ZNF391: variants seen among roughly 807,000 people sequenced by gnomAD.
The protein encoded by ZNF391 is zinc finger protein 391.
For missense variants in ZNF391, 375 were observed against 425.5 expected (o/e 0.88, Z 1.04); for synonymous variants, 126 against 142.1 (o/e 0.89, Z 0.80).
Position 27,401,028 on chromosome 6 carries a change from C to G in ZNF391, c.658C>G (p.Pro220Ala), listed in dbSNP as rs759141745. ...TCAGCGAACTCATACTCAAGAAAGG[C>G]CTTACAAATGTAATGAATGTGGGAA... ...QHQRTHTQER[P>A]YKCNECGKAF... Residue 220 changes from proline to alanine, a missense_variant, in exon 3 of 3, where the codon CCT becomes GCT. Transcript: ENST00000244576. 2 of 1,614,190 alleles carry G rather than the reference C, an allele frequency of 1.2e-6. No homozygotes were observed. The highest frequency in any genetic ancestry group is 2.2e-5 in the South Asian group (2 of 91,080).
chr6:27,397,135 T>C (rs1306726551), intron 1 of ZNF391, among the ~76,000 whole-genome samples: 1 of 152,204 alleles, frequency 6.6e-6, no homozygotes, highest in African/African-American at 2.4e-5. Context: ...ATAGATTTAA[T>C]TGGCTCACAG....
At chr6:27,381,308 G>A (rs553038220) in intron 1 of ZNF391, among the ~76,000 whole-genome samples, 100 of 152,362 alleles carry the variant, frequency 6.6e-4, no homozygotes, top group Admixed American at 3.0e-3. Flanking sequence ...CCGCTGGCCC[G>A]GGTGCTAAGC....
chr6:27,396,625 C>T (rs1463144227), intron 1 of ZNF391, among the ~76,000 whole-genome samples: 1 of 151,996 alleles, frequency 6.6e-6, no homozygotes, highest in Non-Finnish European at 1.5e-5. Context: ...ACTTAGGAGG[C>T]TGAAGTCAGA....
chr6:27,399,123 C>T (rs1178029494), intron 1 of ZNF391, among the ~76,000 whole-genome samples: 1 of 152,172 alleles, frequency 6.6e-6, no homozygotes, highest in Admixed American at 6.5e-5. Flanking sequence ...GTCACATGAA[C>T]GTATTAAAAT....
At chr6:27,400,186 G>A (rs2113662206) in intron 2 of ZNF391, 107 bp from the exon 3 acceptor site, 1 of 511,136 alleles carries the variant, frequency 2.0e-6, no homozygotes, top group South Asian at 4.3e-5. Flanking sequence ...CTCATATAAA[G>A]TTGCTAGTAT....
upstream of ZNF391, among the ~76,000 whole-genome samples, chr6:27,384,084 A>T (rs1042641702): frequency 6.6e-6 from 1 of 152,246 alleles, no homozygotes; most frequent in Non-Finnish European, 1.5e-5. Context: ...ATTTGTTGCC[A>T]GTAGACTTGT....
At chr6:27,380,549 C>T (rs1160232303) in intron 1 of ZNF391, among the ~76,000 whole-genome samples, 1 of 152,214 alleles carries the variant, frequency 6.6e-6, no homozygotes, top group African/African-American at 2.4e-5. Context: ...CAAACTTCTA[C>T]AGTGTGGAAG....
Position 27,401,495 on chromosome 6 carries a change from T to C in ZNF391, c.*48T>C. On this transcript the variant is annotated 3_prime_UTR_variant, in exon 3 of 3. Transcript: ENST00000244576. ...AGCATAAGAACACATATACCTAACC[T>C]CCCACCACTGAAATATATATATTTC... 1 of 1,350,860 alleles carries C rather than the reference T, an allele frequency of 7.4e-7. No individual in the cohort carries two copies. Among genetic ancestry groups the C allele is most frequent in the Non-Finnish European group, 1.0e-6 (1 of 987,964 alleles). 83.7% of individuals were successfully genotyped at this position (1,350,860 alleles called of 1,614,324 possible). A position where few individuals can be genotyped will look rare whatever the true frequency, so the allele number is the denominator to read the frequency against.
At chr6:27,382,050 A>AAAAAAG in intron 1 of ZNF391, among the ~76,000 whole-genome samples, 1 of 147,462 alleles carries the variant, frequency 6.8e-6, no homozygotes, top group African/African-American at 2.5e-5. Context: ...AAAAAAAAAA[A>AAAAAAG]GGCCGGCTGC....
chr6:27,375,322 T>G (rs538775792), intron 1 of ZNF391, among the ~76,000 whole-genome samples: 8 of 152,316 alleles, frequency 5.3e-5, no homozygotes, highest in Admixed American at 4.6e-4. Flanking sequence ...AGCACAGGCC[T>G]GAGGTCCTAA....
rs1013508884 is a variant in ZNF391 at position 27,376,099 on chromosome 6, C to T, written n.523+962C>T. Among the ~76,000 whole-genome samples the T allele has an allele frequency of 6.6e-6, 1 of 152,124 alleles. No individual in the cohort carries two copies. Among genetic ancestry groups the T allele is most frequent in the African/African-American group, 2.4e-5 (1 of 41,408 alleles). ...CAGTTGTATGTTTCCTGCCTCCAGG[C>T]CCTATTTTCCTGCCTCAATAATCAC... On this transcript the variant is annotated intron_variant and non_coding_transcript_variant, in intron 1 of 2. Transcript: ENST00000477999. The surrounding 1 kb of genome is among the most constrained non-coding windows in gnomAD (Gnocchi z 4.7).
At position 27,402,992 on chromosome 6, in the gene ZNF391, T is replaced by C. The variant is rs983449155; in HGVS notation, c.*1545T>C. The C allele has an allele frequency of 6.6e-6, 1 of 152,224 alleles. No individual in the cohort carries two copies. Among genetic ancestry groups the C allele is most frequent in the Non-Finnish European group, 1.5e-5 (1 of 68,046 alleles). The allele number at this position is 152,224 out of a possible 1,614,324, so 9.4% of individuals were successfully genotyped here. On this transcript the variant is annotated 3_prime_UTR_variant, in exon 3 of 3. Coordinates refer to ENST00000244576, the MANE Select transcript of ZNF391 (RefSeq NM_001076781.3). ...CTGATTCCTCTTTATCTGTAATCAATCAACTTGACTTTATTTGATATGGAT... is the reference window on the plus strand; with the variant it reads ...CTGATTCCTCTTTATCTGTAATCAACCAACTTGACTTTATTTGATATGGAT...
At chr6:27,398,060 A>G (rs1761867550) in intron 1 of ZNF391, among the ~76,000 whole-genome samples, 1 of 152,200 alleles carries the variant, frequency 6.6e-6, no homozygotes, top group South Asian at 2.1e-4. Context: ...CACAGACAGC[A>G]TCATCCTGTT....
intron 1 of ZNF391, among the ~76,000 whole-genome samples, chr6:27,375,643 G>A (rs1761405807): frequency 6.6e-6 from 1 of 152,164 alleles, no homozygotes; most frequent in Non-Finnish European, 1.5e-5. Context: ...TATCGCATTT[G>A]AGAAGGCAAA....
rs139596558 is a variant in ZNF391 at position 27,390,655 on chromosome 6, G to A, written c.-188+1580G>A. 2.5e-3 allele frequency among the ~76,000 whole-genome samples: 380 copies of A among 152,248 alleles called. 5 individuals carry two copies. Among genetic ancestry groups the A allele is most frequent in the African/African-American group, 8.9e-3 (369 of 41,538 alleles). ...CAGGAAAAAGAATGCATCTCTCCAT[G>A]CTCTAGAGCAGCAGCTGCTGAAGGG... On this transcript the variant is annotated intron_variant, in intron 1 of 2. Transcript: ENST00000244576.
chr6:27,394,734 A>G (rs1042706111), intron 1 of ZNF391, among the ~76,000 whole-genome samples: 2 of 152,344 alleles, frequency 1.3e-5, no homozygotes, highest in East Asian at 1.9e-4. Context: ...CAGGCATTCA[A>G]CAACCTGGGA....
chr6:27,377,269 C>T (rs1466950673), intron 1 of ZNF391, among the ~76,000 whole-genome samples: 1 of 152,210 alleles, frequency 6.6e-6, no homozygotes, highest in Non-Finnish European at 1.5e-5. Context: ...TCATTGGAAA[C>T]AACAGAGGAG....
In ZNF391 at chr6:27,400,552, A is replaced by G. The variant is rs201938722; in HGVS notation, c.182A>G (p.Glu61Gly). 671 of 1,614,214 alleles carry G rather than the reference A, an allele frequency of 4.2e-4. 1 individual carries two copies. Among genetic ancestry groups the G allele is most frequent in the Non-Finnish European group, 5.4e-4 (639 of 1,180,024 alleles). Residue 61 changes from glutamate (E) to glycine (G), a missense_variant, in exon 3 of 3, where the codon GAA (glutamate) becomes GGA (glycine). Transcript: ENST00000244576. ...KEIFTGEEGPESSEFSLSPNL... is the reference protein window; with the variant it reads ...KEIFTGEEGPGSSEFSLSPNL... Reference sequence around the variant, plus strand: ...ATTTTCACAGGGGAGGAAGGCCCTGAATCCAGTGAATTTAGTCTAAGCCCA... The same window carrying G: ...ATTTTCACAGGGGAGGAAGGCCCTGGATCCAGTGAATTTAGTCTAAGCCCA...
chr6:27,389,219 C>G (rs1483973561), intron 1 of ZNF391, 144 bp downstream of exon 1: 1 of 456,578 alleles, frequency 2.2e-6, no homozygotes, highest in Admixed American at 2.3e-5. Context: ...GTCATGAAGC[C>G]CCCAGCGCTC....
Sources: gnomAD v4.1 joint callset for allele counts (sites outside exome capture counted in the v4.1 genomes callset) on GRCh38, gnomAD v4.1.1 for gene constraint, Gnocchi (gnomAD v3.1) non-coding constraint, MANE v1.5 for transcripts, NCBI Gene and HGNC (gene_info 2026-07-23, HGNC 2026-07-21) for gene names.